Variants in HS2ST1 observed in about 807,000 individuals in gnomAD.
HS2ST1 encodes the protein heparan sulfate 2-O-sulfotransferase 1.
HS2ST1 carries 18 observed loss-of-function variants against 42.9 expected under a neutral mutation model. The ratio of observed to expected loss-of-function variants is 0.42; its 90% CI spans 0.29 to 0.62. The LOEUF (loss-of-function observed/expected upper bound fraction) is 0.62. Ranked by LOEUF, HS2ST1 falls within the 20% of genes least tolerant of loss-of-function variation. HS2ST1 has a pLI of 0.21. For synonymous variants in HS2ST1, 146 were observed against 152.9 expected, an observed-to-expected ratio of 0.95 and a Z score of 0.33; for missense variants, 334 against 433.8, an observed-to-expected ratio of 0.77 and a Z score of 2.04.
At position 86,915,091 on chromosome 1, in the gene HS2ST1, G is replaced by T. The variant is rs1358260945; in HGVS notation, c.55G>T (p.Ala19Ser). The T allele has an allele frequency of 6.2e-7, 1 of 1,614,186 alleles. No individual in the cohort carries two copies. Among genetic ancestry groups the T allele is most frequent in the Non-Finnish European group, 8.5e-7 (1 of 1,180,026 alleles). Reference sequence around the variant, plus strand: ...CAAGTTGCAGCTGCTGGCGGTGGTGGCCTTCGCGGTGGCGATGCTCTTCTT... The same window carrying T: ...CAAGTTGCAGCTGCTGGCGGTGGTGTCCTTCGCGGTGGCGATGCTCTTCTT... Reference protein sequence around the residue: ...PPKLQLLAVVAFAVAMLFLEN... With the variant: ...PPKLQLLAVVSFAVAMLFLEN... Residue 19 changes from alanine (A) to serine (S), a missense_variant, in exon 1 of 7, where the codon GCC becomes TCC. Coordinates refer to ENST00000370550, the MANE Select transcript of HS2ST1 (RefSeq NM_012262.4).
chr1:86,992,775 G>A (rs755445936), intron 1 of HS2ST1, among the ~76,000 whole-genome samples: 9 of 152,148 alleles, frequency 5.9e-5, no homozygotes, highest in Admixed American at 2.6e-4. Context: ...AGACAAAACC[G>A]TACAAATTTA....
intron 1 of HS2ST1, among the ~76,000 whole-genome samples, chr1:87,004,860 A>G (rs576346436): frequency 4.6e-5 from 7 of 152,320 alleles, no homozygotes; most frequent in Non-Finnish European, 8.8e-5. Flanking sequence ...ATCGTTTTTG[A>G]TATCAGTCCC....
intron 3 of HS2ST1, among the ~76,000 whole-genome samples, chr1:87,086,057 A>G (rs1157583438): frequency 6.6e-6 from 1 of 152,176 alleles, no homozygotes; most frequent in Non-Finnish European, 1.5e-5. Context: ...ATTTTGATGT[A>G]TCTATGTAAT....
In HS2ST1 at chr1:87,041,343, T is replaced by C. The variant is rs571080890; in HGVS notation, c.125-31591T>C. 1.2e-3 allele frequency among the ~76,000 whole-genome samples: 181 copies of C among 151,280 alleles called. 1 individual carries two copies. The highest frequency in any genetic ancestry group is 4.1e-3 in the African/African-American group (170 of 41,272). ...TTGATGCTGCAGTGAGCTCTGATCA[T>C]GCCACTGCACTCCAGTGTGGGTTAC... is the stretch of plus-strand genomic sequence containing the variant. On this transcript the variant is annotated intron_variant, in intron 1 of 6. Coordinates refer to ENST00000370550, the MANE Select transcript of HS2ST1 (RefSeq NM_012262.4).
intron 1 of HS2ST1, among the ~76,000 whole-genome samples, chr1:87,014,063 C>T (rs1649680496): frequency 6.6e-6 from 1 of 152,188 alleles, no homozygotes; most frequent in African/African-American, 2.4e-5. Flanking sequence ...CAAACTGTTC[C>T]AACCTCTGCC....
intron 1 of HS2ST1, among the ~76,000 whole-genome samples, chr1:86,961,659 A>G (rs774447810): frequency 7.9e-5 from 12 of 152,246 alleles, no homozygotes; most frequent in Non-Finnish European, 1.8e-4. Context: ...TTTCTGTGTT[A>G]TTTAGTGTAT....
At chr1:87,092,145 A>G (rs1332186855) in intron 3 of HS2ST1, among the ~76,000 whole-genome samples, 1 of 152,084 alleles carries the variant, frequency 6.6e-6, no homozygotes, top group Non-Finnish European at 1.5e-5. Context: ...CTTAAAAATT[A>G]TAAATATTAA....
intron 1 of HS2ST1, among the ~76,000 whole-genome samples, chr1:87,004,864 C>CA (rs1649390760): frequency 6.6e-6 from 1 of 152,182 alleles, no homozygotes; most frequent in Non-Finnish European, 1.5e-5. Flanking sequence ...TTTTTGATAT[C>CA]AGTCCCCTGC....
intron 1 of HS2ST1, among the ~76,000 whole-genome samples, chr1:86,924,309 T>C (rs1660366349): frequency 6.6e-6 from 1 of 152,218 alleles, no homozygotes; most frequent in African/African-American, 2.4e-5. Flanking sequence ...AGGCTGGCAT[T>C]GAGTGTCTGT....
intron 1 of HS2ST1, among the ~76,000 whole-genome samples, chr1:87,005,798 G>T (rs1276288791): frequency 1.3e-5 from 2 of 152,110 alleles, no homozygotes; most frequent in East Asian, 3.8e-4. Flanking sequence ...TACTTTGAAG[G>T]ATTCGCCTAT....
chr1:87,101,161 T>TG (rs1187685179), intron 5 of HS2ST1, among the ~76,000 whole-genome samples: 89 of 111,982 alleles, frequency 7.9e-4, no homozygotes, highest in Middle Eastern at 4.0e-3. Context: ...TTTTTGTTTT[T>TG]TTTTTTTTTT....
rs148021323 is a variant in HS2ST1, at chr1:86,964,608, G to T, written c.124+49448G>T. Among the ~76,000 whole-genome samples, 1,374 of 152,344 alleles carry T rather than the reference G, an allele frequency of 9.0e-3. 22 individuals carry two copies. Among genetic ancestry groups the T allele is most frequent in the African/African-American group, 0.032 (1,328 of 41,586 alleles). ...CAGCAGTACAGTCCAGCTTCGGCTC[G>T]GCATCAGAGGGAGACCTTGGAAAGA... On this transcript the variant is annotated intron_variant, in intron 1 of 6. Transcript: ENST00000370550.
rs74097548 is a variant in HS2ST1 at position 87,038,526 on chromosome 1, A to G, written c.125-34408A>G. 3.5e-3 allele frequency among the ~76,000 whole-genome samples: 538 copies of G among 152,298 alleles called. 2 individuals carry two copies. The highest frequency in any genetic ancestry group is 0.013 in the African/African-American group (520 of 41,580). Reference sequence around the variant, plus strand: ...AACTAAAGCTAAGCATGTTGTATGTAACAGAAGTTATTCTGGAAAGTCCTG... The same window carrying G: ...AACTAAAGCTAAGCATGTTGTATGTGACAGAAGTTATTCTGGAAAGTCCTG... On this transcript the variant is annotated intron_variant, in intron 1 of 6. Coordinates refer to ENST00000370550, the MANE Select transcript of HS2ST1 (RefSeq NM_012262.4).
intron 1 of HS2ST1, among the ~76,000 whole-genome samples, chr1:86,939,697 C>T (rs1489254636): frequency 3.3e-5 from 5 of 152,194 alleles, no homozygotes; most frequent in African/African-American, 1.2e-4. Context: ...CCTCTAGAGA[C>T]TCATGCACAA....
chr1:86,995,872 A>C (rs1372609249), intron 1 of HS2ST1, among the ~76,000 whole-genome samples: 3 of 152,126 alleles, frequency 2.0e-5, no homozygotes, highest in African/African-American at 7.2e-5. Context: ...TGATTGGTGG[A>C]GTGATTTTAG....
chr1:87,053,516 C>T (rs955092556), intron 1 of HS2ST1, among the ~76,000 whole-genome samples: 1 of 152,006 alleles, frequency 6.6e-6, no homozygotes, highest in Admixed American at 6.6e-5. Context: ...TACTTTCAAC[C>T]TTTTTCACAT....
In HS2ST1 at chr1:87,106,228, CTCAG is replaced by C. The variant is rs1652321453; in HGVS notation, c.*1534_*1537del. On this transcript the variant is annotated 3_prime_UTR_variant, in exon 7 of 7. Coordinates refer to ENST00000370550, the MANE Select transcript of HS2ST1 (RefSeq NM_012262.4). ...TAAATTTGTGTTTGATAAATATCCTCTCAGTGTTTTATCTTCCATGTTTCAACAA... is the reference window on the plus strand; with the variant it reads ...TAAATTTGTGTTTGATAAATATCCTCTGTTTTATCTTCCATGTTTCAACAA... 6.6e-6 allele frequency: 1 copy of C among 152,476 alleles called. No individual in the cohort carries two copies. The highest frequency in any genetic ancestry group is 6.6e-5 in the Admixed American group (1 of 15,234). 9.4% of individuals were successfully genotyped at this position (152,476 alleles called of 1,614,324 possible). A position where few individuals can be genotyped will look rare whatever the true frequency, so the allele number is the denominator to read the frequency against.
chr1:87,063,448 T>G (rs1286840395), intron 1 of HS2ST1, among the ~76,000 whole-genome samples: 1 of 152,170 alleles, frequency 6.6e-6, no homozygotes, highest in East Asian at 1.9e-4. Flanking sequence ...GTGATTCTCC[T>G]GCCTCATCCT....
intron 1 of HS2ST1, among the ~76,000 whole-genome samples, chr1:86,994,340 T>C (rs7515120): frequency 0.74 from 112,247 of 152,028 alleles, 42,762 homozygotes; most frequent in East Asian, 0.97. Flanking sequence ...TTTCAATGCT[T>C]TTTAGTGGGT....
Sources: gnomAD v4.1 joint callset for allele counts (sites outside exome capture counted in the v4.1 genomes callset) on GRCh38, gnomAD v4.1.1 for gene constraint, MANE v1.5 for transcripts, NCBI Gene and HGNC (gene_info 2026-07-23, HGNC 2026-07-21) for gene names.